Variants in PITPNM3 observed in about 807,000 individuals in gnomAD.
PITPNM3 encodes the protein membrane-associated phosphatidylinositol transfer protein 3.
In PITPNM3, 26 loss-of-function variants were observed where a neutral mutation model predicts 102.0. The ratio of observed to expected loss-of-function variants is 0.25; its 90% CI spans 0.19 to 0.35. The LOEUF is 0.35. PITPNM3 is among the 10% of genes least tolerant of loss of function. The pLI is 1.00. For missense variants in PITPNM3, 1,083 were observed against 1,346.1 expected (o/e 0.80, Z 3.06); for synonymous variants, 578 against 558.6 (o/e 1.03, Z -0.49).
In PITPNM3 at chr17:6,478,847, G is replaced by A. The variant is rs1905487014; in HGVS notation, c.588-111C>T. The A allele has an allele frequency of 2.7e-6, 3 of 1,099,664 alleles. No individual in the cohort carries two copies. The highest frequency in any genetic ancestry group is 5.2e-5 in the East Asian group (2 of 38,652). The allele number at this position is 1,099,664 out of a possible 1,614,324, so 68.1% of individuals were successfully genotyped here. On this transcript the variant is annotated intron_variant, in intron 6 of 19. Coordinates refer to ENST00000262483, the MANE Select transcript of PITPNM3 (RefSeq NM_031220.4). This position sits in a 1 kb window ranked among gnomAD's most constrained non-coding sequence, Gnocchi z 4.4. ...ATACTGGCCAGGAATTGGGCTCCAGGGACCCTTCAGGAAGACCCAGGCAGG... is the reference window on the plus strand; with the variant it reads ...ATACTGGCCAGGAATTGGGCTCCAGAGACCCTTCAGGAAGACCCAGGCAGG...
chr17:6,461,211 C>T (rs540003928), intron 18 of PITPNM3, among the ~76,000 whole-genome samples, 162 bp downstream of exon 18: 5 of 152,224 alleles, frequency 3.3e-5, no homozygotes, highest in Non-Finnish European at 4.4e-5. Context: ...AGACTAATAA[C>T]CTACCTCACA....
At chr17:6,464,109 C>T in intron 16 of PITPNM3, 61 bp downstream of exon 16, 1 of 1,611,624 alleles carries the variant, frequency 6.2e-7, no homozygotes, top group Non-Finnish European at 8.5e-7. Context: ...TCTAGACAGG[C>T]CTGGCTGGAA....
At chr17:6,525,542 A>T in intron 2 of PITPNM3, 79 bp from the exon 3 acceptor site, 1 of 1,037,818 alleles carries the variant, frequency 9.6e-7, no homozygotes, top group Non-Finnish European at 1.5e-6. Context: ...TGTCTGAGGG[A>T]CATTTTCTCT....
intron 2 of PITPNM3, among the ~76,000 whole-genome samples, chr17:6,535,546 C>T (rs553738571): frequency 1.3e-4 from 19 of 151,966 alleles, no homozygotes; most frequent in African/African-American, 4.1e-4. Context: ...CAGAGATATA[C>T]GAGGTCCTGT....
At chr17:6,530,938 T>C (rs994036711) in intron 2 of PITPNM3, among the ~76,000 whole-genome samples, 2 of 152,072 alleles carry the variant, frequency 1.3e-5, no homozygotes, top group African/African-American at 4.8e-5. Context: ...AAGCCCAGCA[T>C]CCTCATTTTA....
chr17:6,541,798 G>A (rs1200247218), intron 1 of PITPNM3, among the ~76,000 whole-genome samples: 1 of 152,118 alleles, frequency 6.6e-6, no homozygotes, highest in Non-Finnish European at 1.5e-5. Context: ...TGCATTTTCT[G>A]GGTCCAACAC....
At chr17:6,534,335 T>C (rs1909298288) in intron 2 of PITPNM3, among the ~76,000 whole-genome samples, 1 of 152,190 alleles carries the variant, frequency 6.6e-6, no homozygotes, top group Admixed American at 6.5e-5. Flanking sequence ...GAGAGCTCAA[T>C]ACTCCTGCCT....
In PITPNM3 at chr17:6,472,926, C is replaced by T. The variant is rs969018371; in HGVS notation, c.1259-99G>A. ...ATGCAGCCTGGAGTAGCCTACTCCC[C>T]TCTCAAGAGCCTCCCCGGGCTCCCT... On this transcript the variant is annotated intron_variant, in intron 10 of 19. Transcript: ENST00000262483. The surrounding 1 kb of genome is among the most constrained non-coding windows in gnomAD (Gnocchi z 4.1). 1.4e-5 allele frequency: 19 copies of T among 1,394,680 alleles called. No homozygotes were observed. In the African/African-American group the frequency reaches 2.3e-4, roughly 17 times the overall value. 86.4% of individuals were successfully genotyped at this position (1,394,680 alleles called of 1,614,324 possible). A position where few individuals can be genotyped will look rare whatever the true frequency, so the allele number is the denominator to read the frequency against.
rs547678997 is a variant in PITPNM3 at position 6,517,096 on chromosome 17, T to C, written c.226+8260A>G. On this transcript the variant is annotated intron_variant, in intron 3 of 19. Transcript: ENST00000262483. This position sits in a 1 kb window ranked among gnomAD's most constrained non-coding sequence, Gnocchi z 4.1. ...AGCAAAATAAAGACATGTTTAGCAATGCAAGGACCTAGAAAATTGCTATCC... is the reference window on the plus strand; with the variant it reads ...AGCAAAATAAAGACATGTTTAGCAACGCAAGGACCTAGAAAATTGCTATCC... Among the ~76,000 whole-genome samples, 1 of 152,254 alleles carries C rather than the reference T, an allele frequency of 6.6e-6. No homozygotes were observed. Among genetic ancestry groups the C allele is most frequent in the Non-Finnish European group, 1.5e-5 (1 of 68,018 alleles).
intron 14 of PITPNM3, among the ~76,000 whole-genome samples, chr17:6,466,381 A>C (rs7220930): frequency 6.6e-6 from 1 of 152,110 alleles, no homozygotes; most frequent in Non-Finnish European, 1.5e-5. Context: ...GAGATAAACT[A>C]GTCGTGGGCC....
chr17:6,472,768 A>G lies in PITPNM3; in HGVS notation c.1318T>C (p.Ser440Pro). The change falls in exon 11 of 20, where the codon TCT (serine) becomes CCT (proline). Residue 440 changes from serine to proline, a missense_variant. Ser to Pro is a moderately conservative substitution (Grantham distance 74, BLOSUM62 -1). Transcript: ENST00000262483. The surrounding 1 kb of genome is among the most constrained non-coding windows in gnomAD (Gnocchi z 4.1). ...AGCAGTGGCTCGAGCCGTGAGGCAG[A>G]GGGGTCTGCGCAATGGAAGAAGCTG... Reference protein sequence around the residue: ...VYSFFHCADPSASRLEPLLEP... With the variant: ...VYSFFHCADPPASRLEPLLEP... The G allele has an allele frequency of 6.2e-7, 1 of 1,614,112 alleles. No individual in the cohort carries two copies. The highest frequency in any genetic ancestry group is 8.5e-7 in the Non-Finnish European group (1 of 1,179,990).
At chr17:6,501,248 G>T (rs1204056864) in intron 4 of PITPNM3, among the ~76,000 whole-genome samples, 1 of 152,130 alleles carries the variant, frequency 6.6e-6, no homozygotes, top group Admixed American at 6.5e-5. Flanking sequence ...TGCATTCCTG[G>T]GGAATGGGGT....
chr17:6,541,273 C>T (rs901520260), intron 1 of PITPNM3, among the ~76,000 whole-genome samples: 1 of 122,332 alleles, frequency 8.2e-6, no homozygotes, highest in African/African-American at 3.3e-5. Context: ...TAAGAAAACC[C>T]AGATATGCTA....
chr17:6,510,304 G>A (rs532268073), intron 3 of PITPNM3, among the ~76,000 whole-genome samples: 1 of 152,092 alleles, frequency 6.6e-6, no homozygotes, highest in Non-Finnish European at 1.5e-5. Flanking sequence ...TCCAACCTCA[G>A]TCAAGACAAA....
At chr17:6,463,417 G>GGGAGGGAGGGAGGGAGGGAA (rs1904576169) in intron 17 of PITPNM3, among the ~76,000 whole-genome samples, 4 of 58,720 alleles carry the variant, frequency 6.8e-5, no homozygotes, top group African/African-American at 2.0e-4. Flanking sequence ...CACGAGTGCA[G>GGGAGGGAGGGAGGGAGGGAA]GGAGGGAGGC....
rs1905899064 is a variant in PITPNM3, at chr17:6,483,771, G to A, written c.352-19C>T. ...AGCCTTCCTGAGAGCCAAGGCGGTTGGAATACAGAGAGAGAGGCGGCTGGG... is the reference window on the plus strand; with the variant it reads ...AGCCTTCCTGAGAGCCAAGGCGGTTAGAATACAGAGAGAGAGGCGGCTGGG... On this transcript the variant is annotated intron_variant, in intron 5 of 19. Coordinates refer to ENST00000262483, the MANE Select transcript of PITPNM3 (RefSeq NM_031220.4). 1.2e-6 allele frequency: 2 copies of A among 1,606,824 alleles called. No homozygotes were observed. Among genetic ancestry groups the A allele is most frequent in the African/African-American group, 2.7e-5 (2 of 74,882 alleles).
At chr17:6,491,920 AATATAT>A (rs34497661) in intron 4 of PITPNM3, among the ~76,000 whole-genome samples, 3 of 147,326 alleles carry the variant, frequency 2.0e-5, no homozygotes. Context: ...TCACAACTGT[AATATAT>A]ATATATATAT....
Position 6,463,752 on chromosome 17 carries a change from C to A in PITPNM3, c.2286G>T (p.Pro762=). ...SIMGSDPKVR[P]GAVDVVRHWQ... ...CTCACCGGACAACATCCACTGCACC[C>A]GGCCGGACCTTGGGGTCGCTTCCCA... is the stretch of plus-strand genomic sequence containing the variant. Residue 762 remains proline (P), a synonymous_variant, in exon 17 of 20, where the codon CCG becomes CCT. Transcript: ENST00000262483. The A allele has an allele frequency of 6.2e-7, 1 of 1,611,654 alleles. No individual in the cohort carries two copies. Among genetic ancestry groups the A allele is most frequent in the Non-Finnish European group, 8.5e-7 (1 of 1,179,732 alleles).
chr17:6,510,523 G>T (rs988905959), intron 3 of PITPNM3, among the ~76,000 whole-genome samples: 1 of 152,194 alleles, frequency 6.6e-6, no homozygotes, highest in East Asian at 1.9e-4. Context: ...CCCCACCCCC[G>T]TCTGGGAGCC....
Sources: gnomAD v4.1 joint callset for allele counts (sites outside exome capture counted in the v4.1 genomes callset) on GRCh38, gnomAD v4.1.1 for gene constraint, Gnocchi (gnomAD v3.1) non-coding constraint, MANE v1.5 for transcripts, NCBI Gene and HGNC (gene_info 2026-07-23, HGNC 2026-07-21) for gene names.